Variants in TRABD2B observed in about 807,000 individuals in gnomAD.
TRABD2B encodes the protein metalloprotease TIKI2.
Under a neutral mutation model 40.1 loss-of-function variants are expected in TRABD2B, and 14 were observed. The ratio of observed to expected loss-of-function variants is 0.35; its 90% confidence interval spans 0.23 to 0.55. The LOEUF is 0.55. Among genes scored for constraint, TRABD2B ranks in the 20% least tolerant of loss-of-function variants. TRABD2B has a pLI of 0.90. For synonymous variants in TRABD2B, 263 were observed against 277.0 expected, an observed-to-expected ratio of 0.95 and a Z score of 0.50; for missense variants, 541 against 648.6, an observed-to-expected ratio of 0.83 and a Z score of 1.80.
At chr1:47,913,222 C>T (rs1189316005) in intron 2 of TRABD2B, among the ~76,000 whole-genome samples, 1 of 152,266 alleles carries the variant, frequency 6.6e-6, no homozygotes, top group East Asian at 1.9e-4. Context: ...CCCAGGTTCA[C>T]TCTCACCACC....
chr1:47,794,853 CT>C, intron 3 of TRABD2B, 93 bp from the exon 4 acceptor site: 7 of 1,212,898 alleles, frequency 5.8e-6, no homozygotes, highest in Non-Finnish European at 7.7e-6. Flanking sequence ...AGTGCAGTGG[CT>C]CACTGCAGCC....
intron 2 of TRABD2B, among the ~76,000 whole-genome samples, chr1:47,852,569 C>T (rs1392606600): frequency 1.3e-5 from 2 of 152,162 alleles, no homozygotes; most frequent in Admixed American, 6.5e-5. Context: ...CAGAACTCTC[C>T]GGGAATGTCA....
At chr1:47,930,574 G>A (rs1017393522) in intron 2 of TRABD2B, among the ~76,000 whole-genome samples, 11 of 152,212 alleles carry the variant, frequency 7.2e-5, no homozygotes, top group Non-Finnish European at 2.9e-5. Flanking sequence ...AGGAGCCTCA[G>A]AACTGGCTGT....
At chr1:47,950,707 A>ACTCTCAGC (rs1257583176) in intron 2 of TRABD2B, among the ~76,000 whole-genome samples, 5 of 152,188 alleles carry the variant, frequency 3.3e-5, no homozygotes, top group Non-Finnish European at 5.9e-5. Context: ...TGCCTCGGTC[A>ACTCTCAGC]CTCTCAGCCT....
intron 2 of TRABD2B, among the ~76,000 whole-genome samples, chr1:47,978,540 C>T (rs142589087): frequency 0.01 from 1,588 of 152,276 alleles, 23 homozygotes; most frequent in South Asian, 0.075. Flanking sequence ...GAATGACTGG[C>T]TGGCATTCCC....
chr1:47,988,868 C>G (rs1446250327), intron 2 of TRABD2B, among the ~76,000 whole-genome samples: 1 of 152,218 alleles, frequency 6.6e-6, no homozygotes, highest in African/African-American at 2.4e-5. Context: ...AGGATTAGAA[C>G]CTGCTTTGAA....
chr1:47,966,819 C>T (rs530811934), intron 2 of TRABD2B, among the ~76,000 whole-genome samples: 22 of 151,844 alleles, frequency 1.4e-4, no homozygotes, highest in Admixed American at 2.6e-4. Context: ...GCAGTAGGAT[C>T]GCTTGAACCC....
chr1:47,872,111 G>GGGA (rs1644149997), intron 2 of TRABD2B, among the ~76,000 whole-genome samples: 1 of 152,208 alleles, frequency 6.6e-6, no homozygotes, highest in African/African-American at 2.4e-5. Flanking sequence ...GATGCACCTT[G>GGGA]GGAGGACAGC....
intron 2 of TRABD2B, among the ~76,000 whole-genome samples, chr1:47,899,097 G>A (rs889228103): frequency 2.6e-5 from 4 of 152,216 alleles, no homozygotes; most frequent in African/African-American, 7.2e-5. Flanking sequence ...GGGCCCATAA[G>A]GGCTCATCTT....
chr1:47,799,873 C>T (rs1644798395), intron 3 of TRABD2B, among the ~76,000 whole-genome samples: 1 of 152,218 alleles, frequency 6.6e-6, no homozygotes, highest in Admixed American at 6.5e-5. Flanking sequence ...TCCACAGGCT[C>T]CAAATGCTTC....
chr1:47,823,928 A>G (rs1645142775), intron 2 of TRABD2B, among the ~76,000 whole-genome samples: 1 of 152,128 alleles, frequency 6.6e-6, no homozygotes, highest in Admixed American at 6.5e-5. Flanking sequence ...GCCTGCCTGC[A>G]ATGGCTCCTT....
At chr1:47,831,073 G>GTCGCCGGA (rs4031117) in intron 2 of TRABD2B, among the ~76,000 whole-genome samples, 6 of 152,036 alleles carry the variant, frequency 3.9e-5, no homozygotes, top group African/African-American at 1.5e-4. Context: ...GTCCTTGGTT[G>GTCGCCGGA]CCACGTGTCC....
rs189769518 is a variant in TRABD2B, at chr1:47,782,319, G to A, written c.989-3775C>T. Among the ~76,000 whole-genome samples, 16 of 152,254 alleles carry A rather than the reference G, an allele frequency of 1.1e-4. No homozygotes were observed. In the East Asian group the frequency reaches 1.9e-3, roughly 18 times the overall value. On this transcript the variant is annotated intron_variant, in intron 4 of 6. Transcript: ENST00000606738. Reference sequence around the variant, plus strand: ...CTGCTGTGACCTCCTAAACGTGCTTGACTCTGGCCTAGGTCACCATCACCT... The same window carrying A: ...CTGCTGTGACCTCCTAAACGTGCTTAACTCTGGCCTAGGTCACCATCACCT...
At chr1:47,801,735 T>G in intron 2 of TRABD2B, 116 bp from the exon 3 acceptor site, 1 of 1,298,852 alleles carries the variant, frequency 7.7e-7, no homozygotes, top group Non-Finnish European at 1.0e-6. Flanking sequence ...AGAGAAGGTG[T>G]GTGGGGCTGG....
intron 2 of TRABD2B, among the ~76,000 whole-genome samples, chr1:47,941,571 T>C (rs571590938): frequency 6.6e-6 from 1 of 152,362 alleles, no homozygotes; most frequent in South Asian, 2.1e-4. Context: ...TATGTGAACC[T>C]GGCTAAGTCA....
intron 2 of TRABD2B, among the ~76,000 whole-genome samples, chr1:47,871,411 G>A (rs1644138644): frequency 1.3e-5 from 2 of 152,174 alleles, no homozygotes; most frequent in South Asian, 2.1e-4. Context: ...GAGCCAGCAA[G>A]GAAATTCATT....
intron 2 of TRABD2B, among the ~76,000 whole-genome samples, chr1:47,965,942 AC>A (rs1426746981): frequency 6.6e-6 from 1 of 152,098 alleles, no homozygotes; most frequent in Non-Finnish European, 1.5e-5. Flanking sequence ...TGCAGCAGAC[AC>A]CCCTCACTGT....
rs1646103727 is a variant in TRABD2B, at chr1:47,997,043, C to G, written c.-254G>C. The G allele has an allele frequency of 1.9e-6, 2 of 1,054,408 alleles. No individual in the cohort carries two copies. Among genetic ancestry groups the G allele is most frequent in the Non-Finnish European group, 2.3e-6 (2 of 875,956 alleles). 65.3% of individuals were successfully genotyped at this position (1,054,408 alleles called of 1,614,324 possible). ...CGGGCGCTCAACCTCGCTGGCCGAG[C>G]CCCCGGGTGCTGAGGGCGTGTTGGG... On this transcript the variant is annotated 5_prime_UTR_variant, in exon 1 of 7. Transcript: ENST00000606738.
chr1:47,821,847 C>T (rs1017221223), intron 2 of TRABD2B, among the ~76,000 whole-genome samples: 1 of 152,142 alleles, frequency 6.6e-6, no homozygotes, highest in African/African-American at 2.4e-5. Context: ...CTGTCATCAT[C>T]CCTCTTCAAA....
Sources: allele counts gnomAD v4.1 joint callset (sites outside exome capture counted in the v4.1 genomes callset), GRCh38; gene constraint gnomAD v4.1.1; transcripts MANE v1.5; gene names NCBI Gene and HGNC (gene_info 2026-07-23, HGNC 2026-07-21).